Variants in GLIS1 observed in about 807,000 individuals in gnomAD.
The protein encoded by GLIS1 is GLIS family zinc finger 1, also known as zinc finger protein GLIS1.
GLIS1 carries 24 observed loss-of-function variants against 63.8 expected under a neutral mutation model. That is an observed-to-expected ratio of 0.38 (90% CI 0.27 to 0.53). The LOEUF is 0.53. Ranked by LOEUF, GLIS1 falls within the 20% of genes least tolerant of loss-of-function variation. The pLI is 0.85. For missense variants in GLIS1, 1,036 were observed against 1,074.1 expected, an observed-to-expected ratio of 0.96 and a Z score of 0.50; for synonymous variants, 450 against 482.5, an observed-to-expected ratio of 0.93 and a Z score of 0.88.
At chr1:53,712,763 T>C (rs916406810) in intron 2 of GLIS1, among the ~76,000 whole-genome samples, 6 of 152,112 alleles carry the variant, frequency 3.9e-5, no homozygotes, top group Non-Finnish European at 5.9e-5. Context: ...ATGTGAGGCT[T>C]TGTCTGGTCC....
intron 3 of GLIS1, 80 bp from the exon 4 acceptor site, chr1:53,595,070 G>C (rs1645241596): frequency 7.8e-7 from 1 of 1,288,366 alleles, no homozygotes; most frequent in Admixed American, 3.4e-5. Context: ...AGACAGGGAA[G>C]CTGAGGATCA....
At chr1:53,591,799 C>T (rs1393031993) in intron 4 of GLIS1, among the ~76,000 whole-genome samples, 1 of 152,242 alleles carries the variant, frequency 6.6e-6, no homozygotes, top group Non-Finnish European at 1.5e-5. Context: ...ACCAAGTGTT[C>T]TCATGGGAGC....
chr1:53,542,249 C>CG (rs557766526), intron 4 of GLIS1, among the ~76,000 whole-genome samples: 1 of 152,182 alleles, frequency 6.6e-6, no homozygotes, highest in African/African-American at 2.4e-5. Flanking sequence ...ACTCAAGCGC[C>CG]GGGGGGAAGG....
chr1:53,636,848 T>C (rs1397300677), intron 2 of GLIS1, among the ~76,000 whole-genome samples: 1 of 152,240 alleles, frequency 6.6e-6, no homozygotes, highest in Non-Finnish European at 1.5e-5. Context: ...CTTTGCTTCC[T>C]AAGGGGCCAC....
chr1:53,654,362 G>A (rs576482485), intron 2 of GLIS1, among the ~76,000 whole-genome samples: 2 of 152,328 alleles, frequency 1.3e-5, no homozygotes, highest in South Asian at 2.1e-4. Flanking sequence ...GCCATAGGCG[G>A]TGAGAGGAGC....
chr1:53,719,662 G>A (rs893117397), intron 2 of GLIS1, among the ~76,000 whole-genome samples: 3 of 151,840 alleles, frequency 2.0e-5, no homozygotes, highest in Admixed American at 6.6e-5. Context: ...AGGAGGGAGG[G>A]GTAGTGCAAG....
chr1:53,516,490 A>G (rs1167069953), intron 7 of GLIS1, among the ~76,000 whole-genome samples: 2 of 152,100 alleles, frequency 1.3e-5, no homozygotes, highest in Non-Finnish European at 2.9e-5. Flanking sequence ...GGCCTGTGGC[A>G]AAGGGGAGAG....
At chr1:53,552,386 C>A (rs941073102) in intron 4 of GLIS1, among the ~76,000 whole-genome samples, 1 of 152,190 alleles carries the variant, frequency 6.6e-6, no homozygotes, top group Non-Finnish European at 1.5e-5. Flanking sequence ...AGCCAGCTCC[C>A]GCCAGGCCTT....
chr1:53,523,638 C>T (rs1644434061), intron 6 of GLIS1, among the ~76,000 whole-genome samples: 1 of 152,168 alleles, frequency 6.6e-6, no homozygotes, highest in Non-Finnish European at 1.5e-5. Context: ...CACTCCCTGG[C>T]CCTGGAGTTC....
intron 4 of GLIS1, among the ~76,000 whole-genome samples, chr1:53,571,056 A>G (rs1237438964): frequency 6.6e-6 from 1 of 152,248 alleles, no homozygotes; most frequent in Admixed American, 6.5e-5. Context: ...GAATTCCTAT[A>G]AATCAATAAG....
chr1:53,508,424 T>G (rs1025101019), intron 10 of GLIS1, among the ~76,000 whole-genome samples: 3 of 152,180 alleles, frequency 2.0e-5, no homozygotes, highest in Admixed American at 2.0e-4. Flanking sequence ...GGTTCCCCTT[T>G]GTTGGAGCCC....
chr1:53,540,620 G>T (rs1644634133), intron 4 of GLIS1, among the ~76,000 whole-genome samples: 1 of 152,172 alleles, frequency 6.6e-6, no homozygotes, highest in African/African-American at 2.4e-5. Flanking sequence ...CAGGAGAGGG[G>T]TGGTGAGCAA....
At chr1:53,604,946 A>G (rs1406142372) in intron 2 of GLIS1, among the ~76,000 whole-genome samples, 2 of 26,016 alleles carry the variant, frequency 7.7e-5, no homozygotes, top group African/African-American at 9.3e-5. Flanking sequence ...ATATATACAT[A>G]TATATATATA....
Position 53,560,187 on chromosome 1 carries a change from C to T in GLIS1, c.1321-30235G>A, listed in dbSNP as rs1196452942. Among the ~76,000 whole-genome samples the T allele has an allele frequency of 1.3e-5, 2 of 152,200 alleles. No individual in the cohort carries two copies. Among genetic ancestry groups the T allele is most frequent in the Non-Finnish European group, 2.9e-5 (2 of 68,034 alleles). ...TGAAGATACAGAAATGAATCCAATA[C>T]GAAGCTGGAGTGGCCTGTAGAGCTC... On this transcript the variant is annotated intron_variant, in intron 4 of 10. Transcript: ENST00000628545. This position sits in a 1 kb window ranked among gnomAD's most constrained non-coding sequence, Gnocchi z 4.4.
chr1:53,519,523 CT>C (rs770080362), intron 7 of GLIS1, among the ~76,000 whole-genome samples: 2 of 152,234 alleles, frequency 1.3e-5, no homozygotes, highest in Non-Finnish European at 2.9e-5. Flanking sequence ...ACTGTGGTTT[CT>C]TTAGGGGAGT....
chr1:53,710,031 C>T (rs1280626979), intron 2 of GLIS1, among the ~76,000 whole-genome samples: 1 of 152,188 alleles, frequency 6.6e-6, no homozygotes. Flanking sequence ...ATCACAATTT[C>T]CCTGAGGATG....
intron 2 of GLIS1, among the ~76,000 whole-genome samples, chr1:53,710,779 G>A (rs530993766): frequency 1.3e-5 from 2 of 152,314 alleles, no homozygotes; most frequent in African/African-American, 4.8e-5. Context: ...GCCTCCCACA[G>A]ACCCCCAGCA....
intron 2 of GLIS1, among the ~76,000 whole-genome samples, chr1:53,691,291 C>T (rs1006795609): frequency 6.6e-6 from 1 of 152,226 alleles, no homozygotes; most frequent in Non-Finnish European, 1.5e-5. Flanking sequence ...CAGCCTCTCT[C>T]ACCACCTGCT....
chr1:53,641,828 G>A (rs1645790792), intron 2 of GLIS1, among the ~76,000 whole-genome samples: 1 of 152,216 alleles, frequency 6.6e-6, no homozygotes, highest in Admixed American at 6.5e-5. Context: ...GCAAAAGCAA[G>A]GGAGTTCAAG....
Sources: allele counts gnomAD v4.1 joint callset (sites outside exome capture counted in the v4.1 genomes callset), GRCh38; gene constraint gnomAD v4.1.1; non-coding constraint Gnocchi (gnomAD v3.1); transcripts MANE v1.5; gene names NCBI Gene and HGNC (gene_info 2026-07-23, HGNC 2026-07-21).